GSTZ1: variants seen among roughly 807,000 people sequenced by gnomAD.
GSTZ1 encodes glutathione S-transferase zeta 1.
GSTZ1 carries 34 observed loss-of-function variants against 35.9 expected under a neutral mutation model. That is an observed-to-expected ratio of 0.95 (90% CI 0.72 to 1.26). The LOEUF (loss-of-function observed/expected upper bound fraction) is 1.26, where lower values mean the gene tolerates loss of function less well. GSTZ1 is among the 50% of genes most tolerant of loss of function. GSTZ1 has a pLI of 0.00. For synonymous variants in GSTZ1, 93 were observed against 101.2 expected (o/e 0.92, Z 0.49); for missense variants, 263 against 271.7 (o/e 0.97, Z 0.23).
At chr14:77,328,058 C>G in intron 5 of GSTZ1, 21 bp downstream of exon 5, 1 of 1,601,416 alleles carries the variant, frequency 6.2e-7, no homozygotes, top group South Asian at 1.1e-5. Context: ...TGTACACTTG[C>G]ACCCTTGCAC....
At chr14:77,326,303 C>T (rs1282387743) in intron 2 of GSTZ1, 2 of 152,412 alleles carry the variant, frequency 1.3e-5, no homozygotes. Flanking sequence ...AGTAAACAGC[C>T]CTGAGAACAG....
chr14:77,327,234 G>A (rs933180365), intron 3 of GSTZ1: 24 of 597,956 alleles, frequency 4.0e-5, no homozygotes, highest in Non-Finnish European at 1.8e-5. Flanking sequence ...TGGCCACGGT[G>A]TGAGATGCAG....
At chr14:77,324,281 T>G (rs1400050071) in intron 1 of GSTZ1, 1 of 384,910 alleles carries the variant, frequency 2.6e-6, no homozygotes, top group African/African-American at 2.0e-5. Flanking sequence ...TAGCTGAGAT[T>G]ACAGGCACCC....
rs1892474345 is a variant in GSTZ1, at chr14:77,328,992, G to T, written c.343-131G>T. 5.4e-6 allele frequency: 4 copies of T among 734,058 alleles called. No homozygotes were observed. In the South Asian group the frequency reaches 6.1e-5, roughly 11 times the overall value. The allele number at this position is 734,058 out of a possible 1,614,324, so 45.5% of individuals were successfully genotyped here. On this transcript the variant is annotated intron_variant, in intron 5 of 8. Coordinates refer to ENST00000216465, the MANE Select transcript of GSTZ1 (RefSeq NM_145870.3). ...CCTTGGTTGAAGGAAGGGGCTCATGGAGCCTGGGGGAGAAGGGATAGACAT... is the reference window on the plus strand; with the variant it reads ...CCTTGGTTGAAGGAAGGGGCTCATGTAGCCTGGGGGAGAAGGGATAGACAT...
At chr14:77,321,207 A>AG in intron 1 of GSTZ1, 24 bp downstream of exon 1, 1 of 1,499,038 alleles carries the variant, frequency 6.7e-7, no homozygotes, top group Middle Eastern at 1.8e-4. Flanking sequence ...ACCCGGGTGG[A>AG]GGGAAGCTGG....
At chr14:77,326,743 CCT>C in intron 2 of GSTZ1, 93 bp from the exon 3 acceptor site, 5 of 836,406 alleles carry the variant, frequency 6.0e-6, no homozygotes, top group South Asian at 3.0e-5. Flanking sequence ...GAAGCCTCCC[CCT>C]CTTTGGCCTT....
At chr14:77,321,941 G>C (rs1345784506) in intron 1 of GSTZ1, among the ~76,000 whole-genome samples, 4 of 151,856 alleles carry the variant, frequency 2.6e-5, no homozygotes, top group Non-Finnish European at 5.9e-5. Context: ...CACCTGGGGA[G>C]CTTCACGGCT....
chr14:77,326,858 G>C lies in GSTZ1; in HGVS notation c.88G>C (p.Asp30His), dbSNP rs774350894. 2.5e-6 allele frequency: 4 copies of C among 1,607,160 alleles called. No homozygotes were observed. In the African/African-American group the frequency reaches 5.3e-5, roughly 21 times the overall value. The change falls in exon 3 of 9, where the codon GAC becomes CAC. Residue 30 changes from aspartate (D) to histidine (H), a missense_variant. By Grantham distance (81) the Asp-to-His change is moderately conservative (BLOSUM62 -1). Transcript: ENST00000216465. ...CCTAGCTCTGGCCTTGAAAGGCATC[G>C]ACTACGAGACGGTGCCCATCAATCT... ...VRIALALKGIDYETVPINLIK... is the reference protein window; with the variant it reads ...VRIALALKGIHYETVPINLIK...
chr14:77,323,272 C>T (rs570330878), intron 1 of GSTZ1: 1 of 151,932 alleles, frequency 6.6e-6, no homozygotes, highest in Non-Finnish European at 1.5e-5. Context: ...CCAAATCTGT[C>T]TCCAGATTTT....
At chr14:77,322,118 CTT>C (rs1313171689) in intron 1 of GSTZ1, among the ~76,000 whole-genome samples, 1 of 152,184 alleles carries the variant, frequency 6.6e-6, no homozygotes, top group Non-Finnish European at 1.5e-5. Flanking sequence ...TTAGATGGGA[CTT>C]TGCGTCACGT....
intron 3 of GSTZ1, 95 bp from the exon 4 acceptor site, chr14:77,327,377 G>A (rs1467367845): frequency 4.1e-6 from 3 of 739,410 alleles, no homozygotes; most frequent in Admixed American, 4.0e-5. Flanking sequence ...GGGAGATGGG[G>A]GTGGGTGGCA....
intron 5 of GSTZ1, 39 bp downstream of exon 5, chr14:77,328,076 A>T: frequency 1.2e-6 from 2 of 1,607,490 alleles, no homozygotes; most frequent in Non-Finnish European, 1.7e-6. Context: ...CACACCTGAC[A>T]CACTCTTACA....
intron 1 of GSTZ1, chr14:77,324,208 T>C (rs1293979632): frequency 5.0e-6 from 1 of 199,874 alleles, no homozygotes; most frequent in African/African-American, 2.4e-5. Context: ...AGTGGTGCGA[T>C]CTCGGCCCAC....
Position 77,322,849 on chromosome 14 carries a change from G to A in GSTZ1, c.15+1666G>A, listed in dbSNP as rs556253647. The A allele has an allele frequency of 3.9e-5, 10 of 256,736 alleles. No homozygotes were observed. In the East Asian group the frequency reaches 1.8e-3, roughly 46 times the overall value. The allele number at this position is 256,736 out of a possible 1,614,324, so 15.9% of individuals were successfully genotyped here. A position where few individuals can be genotyped will look rare whatever the true frequency, so the allele number is the denominator to read the frequency against. On this transcript the variant is annotated intron_variant, in intron 1 of 8. Coordinates refer to ENST00000216465, the MANE Select transcript of GSTZ1 (RefSeq NM_145870.3). ...AGTTGGTAGTACAGGGATGGCAATA[G>A]CAAGTTCAGAGAGCAGCTTAATATG...
rs1892613873 is a variant in GSTZ1, at chr14:77,331,195, G to GCTCCC, written c.*1_*5dup. 6.2e-7 allele frequency: 1 copy of GCTCCC among 1,612,568 alleles called. No homozygotes were observed. The highest frequency in any genetic ancestry group is 1.3e-5 in the African/African-American group (1 of 75,036). On this transcript the variant is annotated 3_prime_UTR_variant, in exon 9 of 9. Transcript: ENST00000216465. ...ATACACCCACTGAGCTGAGGGCCTA[G>GCTCCC]CTCCCAAATCCTGCCCCGTTGGCAC...
intron 5 of GSTZ1, chr14:77,328,725 C>G (rs1892461636): frequency 1.0e-5 from 2 of 191,412 alleles, no homozygotes; most frequent in Non-Finnish European, 2.2e-5. Flanking sequence ...GTCTTGTGGA[C>G]CTCCCTCATC....
At chr14:77,321,602 G>A (rs1350312620) in intron 1 of GSTZ1, 4 of 1,105,462 alleles carry the variant, frequency 3.6e-6, no homozygotes, top group Non-Finnish European at 4.6e-6. Flanking sequence ...AGAGTCCCCG[G>A]GCCGGGCGCG....
intron 8 of GSTZ1, 32 bp downstream of exon 8, chr14:77,330,391 G>T (rs576082757): frequency 2.5e-6 from 4 of 1,571,230 alleles, no homozygotes; most frequent in South Asian, 1.1e-5. Context: ...CTCCCTTCTC[G>T]TGGCTCTGCC....
chr14:77,330,703 G>T (rs777296768), intron 8 of GSTZ1, among the ~76,000 whole-genome samples: 21 of 152,232 alleles, frequency 1.4e-4, no homozygotes, highest in South Asian at 1.2e-3. Flanking sequence ...GAACCCTTTG[G>T]TAGGGCACAA....
Sources: gnomAD v4.1 joint callset for allele counts (sites outside exome capture counted in the v4.1 genomes callset) on GRCh38, gnomAD v4.1.1 for gene constraint, MANE v1.5 for transcripts, NCBI Gene and HGNC (gene_info 2026-07-23, HGNC 2026-07-21) for gene names.